Variants in NEURL1 observed in about 807,000 individuals in gnomAD.
NEURL1 encodes neuralized E3 ubiquitin protein ligase 1.
Under a neutral mutation model 41.2 loss-of-function variants are expected in NEURL1, and 26 were observed. The observed-to-expected ratio is 0.63, with a 90% CI of 0.46 to 0.87. NEURL1 has a LOEUF of 0.87. Ranked by LOEUF, NEURL1 falls within the 40% of genes least tolerant of loss-of-function variation. The pLI is 0.00. For missense variants in NEURL1, 761 were observed against 871.1 expected (o/e 0.87, Z 1.59); for synonymous variants, 400 against 402.3 (o/e 0.99, Z 0.07).
chr10:103,570,932 G>T lies in NEURL1; in HGVS notation c.146G>T (p.Cys49Phe), dbSNP rs764822553. ...SHRCHHKQKH[C>F]PAVLPSGGLP... ...CGATGCCACCACAAGCAGAAGCACTGTCCGGCAGTGCTGCCCAGCGGGGGG... is the reference window on the plus strand; with the variant it reads ...CGATGCCACCACAAGCAGAAGCACTTTCCGGCAGTGCTGCCCAGCGGGGGG... Residue 49 changes from cysteine (C) to phenylalanine (F), a missense_variant, in exon 2 of 6, where the codon TGT (cysteine) becomes TTT (phenylalanine). Physicochemically the swap from Cys to Phe is radical, Grantham distance 205. This residue lies in a region of NEURL1 where 94 missense variants were observed against 96.6 expected (regional missense o/e 0.97). Transcript: ENST00000369780. The T allele has an allele frequency of 6.2e-7, 1 of 1,613,888 alleles. No homozygotes were observed. The highest frequency in any genetic ancestry group is 8.5e-7 in the Non-Finnish European group (1 of 1,180,008).
chr10:103,578,473 G>A (rs2035713504), intron 3 of NEURL1, among the ~76,000 whole-genome samples: 1 of 152,174 alleles, frequency 6.6e-6, no homozygotes, highest in African/African-American at 2.4e-5. Context: ...GAGGTGTCTT[G>A]GAGGCTGCAG....
At chr10:103,509,436 T>C (rs534413190) in intron 1 of NEURL1, among the ~76,000 whole-genome samples, 2 of 152,246 alleles carry the variant, frequency 1.3e-5, no homozygotes, top group African/African-American at 2.4e-5. Flanking sequence ...TACAAACCTA[T>C]ATAGCATTAC....
At chr10:103,525,335 TTTTC>T (rs150432222) in intron 1 of NEURL1, among the ~76,000 whole-genome samples, 4 of 146,834 alleles carry the variant, frequency 2.7e-5, no homozygotes, top group African/African-American at 5.0e-5. Flanking sequence ...GTGGAGTTTT[TTTTC>T]TTTCTTTCTT....
chr10:103,498,483 C>G (rs189405291), intron 1 of NEURL1, among the ~76,000 whole-genome samples: 58 of 152,338 alleles, frequency 3.8e-4, no homozygotes, highest in African/African-American at 1.2e-3. Flanking sequence ...GCCTCGGCCT[C>G]CCAAAGTGCT....
chr10:103,571,662 T>C lies in NEURL1; in HGVS notation c.489T>C (p.Asn163=), dbSNP rs1417770829. The change falls in exon 3 of 6, where the codon AAT becomes AAC. Residue 163 remains asparagine (N), a synonymous_variant. Coordinates refer to ENST00000369780, the MANE Select transcript of NEURL1 (RefSeq NM_004210.5). ...AGGCGCTGCCTGAGGAGTTTGCCAA[T>C]GAGGGCAACATCATCGCATTCTGGG... ...WAKALPEEFA[N]EGNIIAFWVD... is the part of the protein sequence containing the mutation. 1.2e-6 allele frequency: 2 copies of C among 1,614,174 alleles called. No individual in the cohort carries two copies. Among genetic ancestry groups the C allele is most frequent in the Admixed American group, 3.3e-5 (2 of 60,028 alleles).
At chr10:103,507,471 G>A (rs1265527548) in intron 1 of NEURL1, among the ~76,000 whole-genome samples, 1 of 152,108 alleles carries the variant, frequency 6.6e-6, no homozygotes, top group African/African-American at 2.4e-5. Flanking sequence ...ATTGACTCGG[G>A]AGATACTTTA....
intron 1 of NEURL1, among the ~76,000 whole-genome samples, chr10:103,498,764 AGG>A (rs2033750973): frequency 6.6e-6 from 1 of 152,222 alleles, no homozygotes; most frequent in South Asian, 2.1e-4. Context: ...CGCCTATTCC[AGG>A]CGTTTAATAT....
intron 3 of NEURL1, among the ~76,000 whole-genome samples, chr10:103,581,453 T>C (rs2133883102): frequency 6.6e-6 from 1 of 152,340 alleles, no homozygotes; most frequent in Non-Finnish European, 1.5e-5. Flanking sequence ...ACAGATTTTA[T>C]GTAAATCAGT....
intron 1 of NEURL1, among the ~76,000 whole-genome samples, chr10:103,520,378 G>C (rs1271832168): frequency 1.3e-5 from 2 of 152,138 alleles, no homozygotes; most frequent in African/African-American, 4.8e-5. Flanking sequence ...TACAGTCAAG[G>C]GGGGTTTTTC....
intron 1 of NEURL1, among the ~76,000 whole-genome samples, chr10:103,526,472 G>A (rs1293294007): frequency 6.6e-6 from 1 of 151,866 alleles, no homozygotes; most frequent in African/African-American, 2.4e-5. Flanking sequence ...TAGATTTCAT[G>A]TGTCCAGGAA....
At chr10:103,494,734 G>A (rs2033642806) in intron 1 of NEURL1, 2 of 476,430 alleles carry the variant, frequency 4.2e-6, no homozygotes, top group South Asian at 6.2e-5. Context: ...TCTTAGGCGA[G>A]CCTGAAGAGA....
chr10:103,518,095 A>G (rs980915952), intron 1 of NEURL1, among the ~76,000 whole-genome samples: 1 of 152,154 alleles, frequency 6.6e-6, no homozygotes, highest in African/African-American at 2.4e-5. Context: ...AGAGCCATGG[A>G]CTGGGAGTAC....
rs143412146 is a variant in NEURL1 at position 103,526,658 on chromosome 10, C to T, written c.85+32186C>T. 9.9e-3 allele frequency among the ~76,000 whole-genome samples: 1,504 copies of T among 151,990 alleles called. 21 individuals carry two copies. Among genetic ancestry groups the T allele is most frequent in the African/African-American group, 0.034 (1,393 of 41,440 alleles). On this transcript the variant is annotated intron_variant, in intron 1 of 5. Coordinates refer to ENST00000369780, the MANE Select transcript of NEURL1 (RefSeq NM_004210.5). Reference sequence around the variant, plus strand: ...TCCCAAGGAGCTGGGATTACAGGTGCGTACCACCATGCCCGGGTAATTTTT... The same window carrying T: ...TCCCAAGGAGCTGGGATTACAGGTGTGTACCACCATGCCCGGGTAATTTTT...
Position 103,590,298 on chromosome 10 carries a change from A to G in NEURL1, c.1651A>G (p.Lys551Glu). 1.9e-6 allele frequency: 3 copies of G among 1,614,076 alleles called. No homozygotes were observed. Among genetic ancestry groups the G allele is most frequent in the East Asian group, 2.2e-5 (1 of 44,876 alleles). The change falls in exon 6 of 6, where the codon AAG becomes GAG. Residue 551 changes from lysine to glutamate, a missense_variant. By Grantham distance (56) the Lys-to-Glu change is moderately conservative. Around this residue, in one of 5 missense-constraint regions of NEURL1, gnomAD observed 45 missense variants for 89.9 expected, o/e 0.50. Coordinates refer to ENST00000369780, the MANE Select transcript of NEURL1 (RefSeq NM_004210.5). ...CTACGCCTGTGGCCTGCGCCTCAAG[A>G]AGGCTCTGCACGCCTGCTGCCCCAT... ...LCYACGLRLKKALHACCPICR... is the reference protein window; with the variant it reads ...LCYACGLRLKEALHACCPICR...
At chr10:103,538,671 G>A (rs1410310882) in intron 1 of NEURL1, among the ~76,000 whole-genome samples, 1 of 147,076 alleles carries the variant, frequency 6.8e-6, no homozygotes, top group African/African-American at 2.5e-5. Context: ...TTTTGAGATG[G>A]TGTCTCGCTC....
intron 1 of NEURL1, among the ~76,000 whole-genome samples, chr10:103,523,709 G>C (rs1052806186): frequency 6.6e-6 from 1 of 151,984 alleles, no homozygotes; most frequent in African/African-American, 2.4e-5. Context: ...TTATCTTTCT[G>C]TACCTGGCTT....
intron 1 of NEURL1, among the ~76,000 whole-genome samples, chr10:103,504,620 C>T (rs1297070473): frequency 6.6e-6 from 1 of 152,162 alleles, no homozygotes; most frequent in Non-Finnish European, 1.5e-5. Context: ...CACTTTCCTC[C>T]CTTTCTATTG....
chr10:103,539,255 T>A (rs1372054688), intron 1 of NEURL1, among the ~76,000 whole-genome samples: 1 of 152,214 alleles, frequency 6.6e-6, no homozygotes, highest in Non-Finnish European at 1.5e-5. Context: ...CAATGAGCAT[T>A]TTTTCATGTG....
rs56098530 is a variant in NEURL1, at chr10:103,503,788, C to CTTTTTTTTTTTTTTTTTTT, written c.85+9318_85+9336dup. Among the ~76,000 whole-genome samples the CTTTTTTTTTTTTTTTTTTT allele has an allele frequency of 5.4e-5, 6 of 110,586 alleles. 3 individuals carry two copies. The highest frequency in any genetic ancestry group is 6.9e-5 in the Non-Finnish European group (4 of 57,744). 72.5% of individuals were successfully genotyped at this position (110,586 alleles called of 152,430 possible). On this transcript the variant is annotated intron_variant, in intron 1 of 5. Transcript: ENST00000369780. The stretch of plus-strand genomic sequence containing the variant: ...AGAGCTCATGCTGTGCTCCCCCTGG[C>CTTTTTTTTTTTTTTTTTTT]TTTTTTTTTTTTTTTTTTTTGAGAC...
Sources: gnomAD v4.1 joint callset for allele counts (sites outside exome capture counted in the v4.1 genomes callset) on GRCh38, gnomAD v4.1.1 for gene constraint, gnomAD v4.1.1 regional missense constraint, MANE v1.5 for transcripts, NCBI Gene and HGNC (gene_info 2026-07-23, HGNC 2026-07-21) for gene names.